TCERG1L: variants seen among roughly 807,000 people sequenced by gnomAD.
The protein encoded by TCERG1L is transcription elongation regulator 1 like.
Under a neutral mutation model 56.3 loss-of-function variants are expected in TCERG1L, and 37 were observed. The observed-to-expected ratio is 0.66, with a 90% confidence interval of 0.51 to 0.87. The LOEUF (loss-of-function observed/expected upper bound fraction) is 0.87. Ranked by LOEUF, TCERG1L falls within the 40% of genes least tolerant of loss-of-function variation. The pLI, the probability that TCERG1L is intolerant of heterozygous loss-of-function variation, is 0.00. For missense variants in TCERG1L, 799 were observed against 774.2 expected (o/e 1.03, Z -0.38); for synonymous variants, 324 against 326.3 (o/e 0.99, Z 0.08).
chr10:131,274,493 C>A (rs1409899506), intron 3 of TCERG1L, among the ~76,000 whole-genome samples: 1 of 152,206 alleles, frequency 6.6e-6, no homozygotes, highest in Non-Finnish European at 1.5e-5. Flanking sequence ...CCAGGCACAT[C>A]CCTTTCATTT....
intron 3 of TCERG1L, among the ~76,000 whole-genome samples, chr10:131,304,957 G>T (rs1361522660): frequency 6.6e-6 from 1 of 152,096 alleles, no homozygotes; most frequent in Non-Finnish European, 1.5e-5. Context: ...TCCTCCAGCA[G>T]CCCACACTTG....
intron 4 of TCERG1L, 135 bp from the exon 5 acceptor site, chr10:131,167,020 CA>C: frequency 1.4e-6 from 1 of 717,686 alleles, no homozygotes; most frequent in African/African-American, 1.8e-5. Context: ...AGAAAGGTGG[CA>C]TTGCCCTGTC....
At chr10:131,276,412 C>G (rs371651821) in intron 3 of TCERG1L, among the ~76,000 whole-genome samples, 2 of 152,218 alleles carry the variant, frequency 1.3e-5, no homozygotes, top group East Asian at 1.9e-4. Flanking sequence ...TGAAGAGGTT[C>G]TTTAATGCAT....
intron 3 of TCERG1L, among the ~76,000 whole-genome samples, chr10:131,292,774 G>A (rs35612783): frequency 0.14 from 15,406 of 108,544 alleles, 987 homozygotes; most frequent in South Asian, 0.36. Context: ...AGCAGTGATA[G>A]CTCCATTTAA....
At position 131,260,909 on chromosome 10, in the gene TCERG1L, CAGA is replaced by C. The variant is rs1414147773; in HGVS notation, c.671-468_671-466del. On this transcript the variant is annotated intron_variant, in intron 3 of 11. Transcript: ENST00000368642. The surrounding 1 kb of genome is among the most constrained non-coding windows in gnomAD (Gnocchi z 5.8). The stretch of plus-strand genomic sequence containing the variant: ...GTGGGCCAGGGTGGAGAGAGGTTTC[CAGA>C]GGACACCAGGCTCAGCTGGGCCCTG... Among the ~76,000 whole-genome samples the C allele has an allele frequency of 6.6e-6, 1 of 152,116 alleles. No homozygotes were observed. The highest frequency in any genetic ancestry group is 1.5e-5 in the Non-Finnish European group (1 of 68,026).
chr10:131,136,692 T>C (rs865780075), intron 7 of TCERG1L, among the ~76,000 whole-genome samples: 4 of 151,844 alleles, frequency 2.6e-5, no homozygotes, highest in Non-Finnish European at 5.9e-5. Flanking sequence ...GACAGGGTTT[T>C]ACCATGTTGG....
chr10:131,272,767 T>G (rs1359203100), intron 3 of TCERG1L, among the ~76,000 whole-genome samples: 2 of 152,200 alleles, frequency 1.3e-5, no homozygotes, highest in African/African-American at 4.8e-5. Context: ...AGGCCCTCAG[T>G]GCTGCCCACC....
intron 4 of TCERG1L, among the ~76,000 whole-genome samples, chr10:131,203,612 G>A (rs190752499): frequency 9.2e-5 from 14 of 152,338 alleles, no homozygotes; most frequent in Admixed American, 3.9e-4. Context: ...GTGGGTCACC[G>A]CAAACGATTC....
intron 3 of TCERG1L, among the ~76,000 whole-genome samples, chr10:131,290,725 A>T (rs1439034911): frequency 6.6e-6 from 1 of 151,844 alleles, no homozygotes; most frequent in Non-Finnish European, 1.5e-5. Flanking sequence ...GATTTTATTC[A>T]TGACTGAAGG....
At chr10:131,270,306 G>C (rs934956214) in intron 3 of TCERG1L, among the ~76,000 whole-genome samples, 1 of 152,190 alleles carries the variant, frequency 6.6e-6, no homozygotes, top group Non-Finnish European at 1.5e-5. Context: ...GACGCCTCCT[G>C]AGCTGAGTTT....
chr10:131,094,337 C>A (rs1845218820), intron 11 of TCERG1L, among the ~76,000 whole-genome samples: 1 of 152,180 alleles, frequency 6.6e-6, no homozygotes. Context: ...CCGGGGGATT[C>A]TTCTTATTCC....
intron 4 of TCERG1L, among the ~76,000 whole-genome samples, chr10:131,252,358 C>T (rs1042314786): frequency 1.3e-5 from 2 of 152,124 alleles, no homozygotes; most frequent in East Asian, 1.9e-4. Flanking sequence ...TAGGGATGTT[C>T]GTTCAGAGCA....
At chr10:131,120,313 T>C (rs1374815298) in intron 8 of TCERG1L, among the ~76,000 whole-genome samples, 7 of 152,154 alleles carry the variant, frequency 4.6e-5, no homozygotes, top group African/African-American at 1.7e-4. Flanking sequence ...AGCTGAGTTC[T>C]GGGCACTGCA....
chr10:131,310,714 T>C (rs909967952), intron 1 of TCERG1L, among the ~76,000 whole-genome samples: 6 of 152,168 alleles, frequency 3.9e-5, no homozygotes, highest in African/African-American at 9.7e-5. Context: ...CCGGCAGGCC[T>C]GGGGCAGGGG....
intron 4 of TCERG1L, among the ~76,000 whole-genome samples, chr10:131,199,870 G>A (rs188157686): frequency 6.6e-5 from 10 of 152,250 alleles, no homozygotes; most frequent in African/African-American, 2.4e-4. Flanking sequence ...ACACCTACTC[G>A]GAGCACTCCC....
intron 4 of TCERG1L, among the ~76,000 whole-genome samples, chr10:131,248,001 A>G (rs989725411): frequency 6.6e-6 from 1 of 151,512 alleles, no homozygotes; most frequent in South Asian, 2.1e-4. Flanking sequence ...GTGCACATAC[A>G]CACACACATG....
At chr10:131,097,491 G>A (rs2133377976) in intron 11 of TCERG1L, among the ~76,000 whole-genome samples, 1 of 152,230 alleles carries the variant, frequency 6.6e-6, no homozygotes, top group South Asian at 2.1e-4. Flanking sequence ...GGGACTACAG[G>A]CACCCACCAC....
intron 10 of TCERG1L, among the ~76,000 whole-genome samples, chr10:131,099,913 G>T (rs1425212491): frequency 1.3e-5 from 2 of 151,988 alleles, no homozygotes; most frequent in Non-Finnish European, 2.9e-5. Flanking sequence ...GCCCAGGCTG[G>T]AGTGCAATGG....
intron 4 of TCERG1L, among the ~76,000 whole-genome samples, chr10:131,196,468 A>T (rs920989296): frequency 1.3e-5 from 2 of 152,206 alleles, no homozygotes; most frequent in Non-Finnish European, 2.9e-5. Flanking sequence ...GCTGACACTC[A>T]CAGCCAAGGC....
Sources: gnomAD v4.1 joint callset for allele counts (sites outside exome capture counted in the v4.1 genomes callset) on GRCh38, gnomAD v4.1.1 for gene constraint, Gnocchi (gnomAD v3.1) non-coding constraint, MANE v1.5 for transcripts, NCBI Gene and HGNC (gene_info 2026-07-23, HGNC 2026-07-21) for gene names.